The following ULK4 variants were observed in gnomAD, a reference collection of about 807,000 sequenced individuals.
ULK4 encodes inactive serine/threonine-protein kinase ULK4.
In ULK4, 133 loss-of-function variants were observed where a neutral mutation model predicts 160.6. That is an observed-to-expected ratio of 0.83 (90% CI 0.72 to 0.96). The LOEUF is 0.96. Among genes scored for constraint, ULK4 ranks in the 40% least tolerant of loss-of-function variants. ULK4 has a pLI of 0.00. For synonymous variants in ULK4, 534 were observed against 539.8 expected (o/e 0.99, Z 0.15); for missense variants, 1,580 against 1,499.5 (o/e 1.05, Z -0.89).
intron 18 of ULK4, among the ~76,000 whole-genome samples, chr3:41,829,649 G>A (rs1484544647): frequency 2.0e-5 from 3 of 152,138 alleles, no homozygotes; most frequent in Non-Finnish European, 4.4e-5. Flanking sequence ...GAAAACAACA[G>A]GTGCTGGAGA....
At chr3:41,477,780 T>C (rs1412569521) in intron 32 of ULK4, among the ~76,000 whole-genome samples, 1 of 152,222 alleles carries the variant, frequency 6.6e-6, no homozygotes, top group African/African-American at 2.4e-5. Context: ...ACCAAGGGCA[T>C]GCAGCCTCTT....
intron 18 of ULK4, among the ~76,000 whole-genome samples, chr3:41,833,407 T>G (rs1489307578): frequency 6.6e-6 from 1 of 151,872 alleles, no homozygotes; most frequent in Non-Finnish European, 1.5e-5. Context: ...GCCCTTCTCC[T>G]GCCTCAGCCT....
At chr3:41,346,732 A>G (rs2080807858) in intron 35 of ULK4, among the ~76,000 whole-genome samples, 2 of 152,254 alleles carry the variant, frequency 1.3e-5, no homozygotes, top group Non-Finnish European at 2.9e-5. Flanking sequence ...GCTGTGGAAA[A>G]TAAGTCTGAA....
Position 41,248,096 on chromosome 3 carries a change from T to C in ULK4, c.3765-1104A>G, listed in dbSNP as rs549492133. 1.1e-4 allele frequency among the ~76,000 whole-genome samples: 16 copies of C among 152,196 alleles called. 1 individual carries two copies. The highest frequency in any genetic ancestry group is 2.1e-4 in the Non-Finnish European group (14 of 68,046). On this transcript the variant is annotated intron_variant, in intron 36 of 36. Coordinates refer to ENST00000301831, the MANE Select transcript of ULK4 (RefSeq NM_017886.4). ...ATTTGGGTCCAGCATGAGGATGTGCTATTTTTGGCTAAAAGGCAGCTATAG... is the reference window on the plus strand; with the variant it reads ...ATTTGGGTCCAGCATGAGGATGTGCCATTTTTGGCTAAAAGGCAGCTATAG...
At chr3:41,614,536 C>G (rs1397181781) in intron 31 of ULK4, among the ~76,000 whole-genome samples, 1 of 152,190 alleles carries the variant, frequency 6.6e-6, no homozygotes, top group Non-Finnish European at 1.5e-5. Context: ...CTTCTCTATC[C>G]TTTCTCTAAA....
chr3:41,514,400 T>C (rs1008450584), intron 32 of ULK4, among the ~76,000 whole-genome samples: 1 of 152,166 alleles, frequency 6.6e-6, no homozygotes, highest in African/African-American at 2.4e-5. Context: ...AATAGGGTCA[T>C]GTTTGATCCA....
chr3:41,440,435 T>C (rs2083137858), intron 34 of ULK4, among the ~76,000 whole-genome samples: 1 of 152,180 alleles, frequency 6.6e-6, no homozygotes, highest in Non-Finnish European at 1.5e-5. Context: ...TTTTCCTTTC[T>C]TAGCTTGCTA....
At chr3:41,491,131 G>A (rs2084743735) in intron 32 of ULK4, among the ~76,000 whole-genome samples, 1 of 152,182 alleles carries the variant, frequency 6.6e-6, no homozygotes, top group African/African-American at 2.4e-5. Context: ...ACACTATTGA[G>A]GGACACAGAG....
intron 12 of ULK4, among the ~76,000 whole-genome samples, chr3:41,905,861 G>A (rs1698534469): frequency 6.6e-6 from 1 of 151,934 alleles, no homozygotes; most frequent in Non-Finnish European, 1.5e-5. Flanking sequence ...GATCATTTGA[G>A]GTCAGGAGTT....
chr3:41,784,866 A>T (rs1290136124), intron 21 of ULK4, among the ~76,000 whole-genome samples: 1 of 152,260 alleles, frequency 6.6e-6, no homozygotes. Flanking sequence ...GGCTACAGTT[A>T]CAAATTTCAA....
intron 32 of ULK4, among the ~76,000 whole-genome samples, chr3:41,483,589 T>C (rs754055060): frequency 2.6e-5 from 4 of 152,172 alleles, no homozygotes; most frequent in Non-Finnish European, 5.9e-5. Context: ...CTGGAATTAA[T>C]AGTTTAGAAG....
chr3:41,794,137 T>A (rs922642599), intron 20 of ULK4, among the ~76,000 whole-genome samples: 2 of 152,176 alleles, frequency 1.3e-5, no homozygotes, highest in African/African-American at 4.8e-5. Context: ...TAGAACAATC[T>A]ATGGAGCCAA....
chr3:41,266,079 C>A (rs1341340569), intron 35 of ULK4, among the ~76,000 whole-genome samples: 1 of 152,216 alleles, frequency 6.6e-6, no homozygotes, highest in Non-Finnish European at 1.5e-5. Context: ...GAAGCAAGGT[C>A]TCCCAGGCCT....
chr3:41,265,208 G>A (rs1050915791), intron 35 of ULK4, among the ~76,000 whole-genome samples: 2 of 152,210 alleles, frequency 1.3e-5, no homozygotes, highest in Non-Finnish European at 2.9e-5. Context: ...CGGCCACAGG[G>A]GGCCACGGCC....
intron 32 of ULK4, among the ~76,000 whole-genome samples, chr3:41,553,868 TA>T (rs1207674786): frequency 6.6e-6 from 1 of 152,154 alleles, no homozygotes; most frequent in East Asian, 1.9e-4. Flanking sequence ...AACATACAAT[TA>T]AATTATTTTT....
At chr3:41,951,784 C>G (rs1576009698) in intron 2 of ULK4, among the ~76,000 whole-genome samples, 1 of 152,176 alleles carries the variant, frequency 6.6e-6, no homozygotes, top group Non-Finnish European at 1.5e-5. Flanking sequence ...GCTCTGCCCT[C>G]ATAAATAAAA....
intron 5 of ULK4, among the ~76,000 whole-genome samples, chr3:41,931,357 G>A (rs1716648): frequency 0.73 from 110,735 of 151,420 alleles, 42,095 homozygotes; most frequent in East Asian, 0.83. Flanking sequence ...AGGAGGGATA[G>A]CATTGGGAGG....
chr3:41,764,071 C>T (rs1418951056), intron 21 of ULK4, among the ~76,000 whole-genome samples: 4 of 152,144 alleles, frequency 2.6e-5, no homozygotes, highest in African/African-American at 9.7e-5. Context: ...CAAAGAAGGA[C>T]ACCTATTTAA....
chr3:41,763,549 A>G (rs960470593), intron 21 of ULK4, among the ~76,000 whole-genome samples: 1 of 152,214 alleles, frequency 6.6e-6, no homozygotes, highest in Non-Finnish European at 1.5e-5. Flanking sequence ...TTGGCATTTT[A>G]TTGTCATATA....
Sources: gnomAD v4.1 joint callset for allele counts (sites outside exome capture counted in the v4.1 genomes callset) on GRCh38, gnomAD v4.1.1 for gene constraint, MANE v1.5 for transcripts, NCBI Gene and HGNC (gene_info 2026-07-23, HGNC 2026-07-21) for gene names.